Variants in USH2A observed in about 807,000 individuals in gnomAD.
USH2A encodes the protein Usher syndrome 2A (autosomal recessive, mild).
Under a neutral mutation model 538.9 loss-of-function variants are expected in USH2A, and 443 were observed. That is an observed-to-expected ratio of 0.82 (90% confidence interval 0.76 to 0.89). USH2A has a LOEUF of 0.89. USH2A is among the 40% of genes least tolerant of loss of function. The probability of loss-of-function intolerance (pLI) is 0.00; values close to 1 mark genes in which losing one functional copy is unlikely to be tolerated. For missense variants in USH2A, 6,633 were observed against 6,324.8 expected, an observed-to-expected ratio of 1.05 and a Z score of -1.65; for synonymous variants, 2,413 against 2,273.5, an observed-to-expected ratio of 1.06 and a Z score of -1.75.
At position 215,743,325 on chromosome 1, in the gene USH2A, G is replaced by A; in HGVS notation, c.11400C>T (p.Ile3800=). The A allele has an allele frequency of 2.5e-6, 4 of 1,599,416 alleles. No individual in the cohort carries two copies. Among genetic ancestry groups the A allele is most frequent in the Non-Finnish European group, 3.4e-6 (4 of 1,173,388 alleles). The part of the protein sequence containing the change: ...FVAWIPPGIL[I]PEIPVEYNVL... ...CATTGTACTCCACAGGAATTTCGGG[G>A]ATGAGGATCCCTTTAAAGAGAGAGA... The change falls in exon 59 of 72, where the codon ATC becomes ATT. Residue 3800 remains isoleucine, a synonymous_variant. Transcript: ENST00000307340.
chr1:215,877,048 C>T (rs1000474983), intron 43 of USH2A, among the ~76,000 whole-genome samples: 4 of 152,120 alleles, frequency 2.6e-5, no homozygotes, highest in African/African-American at 9.7e-5. Context: ...AATCACATTG[C>T]TTGAACTCAT....
Position 216,327,647 on chromosome 1 carries a change from C to T in USH2A, c.792G>A (p.Glu264=), listed in dbSNP as rs886043440. 12 of 1,612,974 alleles carry T rather than the reference C, an allele frequency of 7.4e-6. No homozygotes were observed. Among genetic ancestry groups the T allele is most frequent in the Non-Finnish European group, 9.3e-6 (11 of 1,179,442 alleles). ...VQIGQSLNGL[E]QFVGRMQDFR... is the part of the protein sequence containing the mutation. ...AATCTTGCATTCTTCCGACAAACTGCTCTAAACCTGCAAATACACACATGT... is the reference window on the plus strand; with the variant it reads ...AATCTTGCATTCTTCCGACAAACTGTTCTAAACCTGCAAATACACACATGT... Residue 264 remains glutamate, a synonymous_variant, in exon 5 of 72, where the codon GAG becomes GAA. Coordinates refer to ENST00000307340, the MANE Select transcript of USH2A (RefSeq NM_206933.4).
intron 21 of USH2A, among the ~76,000 whole-genome samples, chr1:216,101,247 A>G (rs985597097): frequency 1.3e-5 from 2 of 152,256 alleles, no homozygotes; most frequent in Non-Finnish European, 2.9e-5. Flanking sequence ...TAAATAAAAA[A>G]GAATACATTT....
At chr1:216,196,154 T>C (rs1256949115) in intron 19 of USH2A, among the ~76,000 whole-genome samples, 1 of 152,104 alleles carries the variant, frequency 6.6e-6, no homozygotes, top group African/African-American at 2.4e-5. Flanking sequence ...ATATAAGAAG[T>C]TTTATCAATG....
At chr1:216,367,475 C>T (rs574158209) in intron 3 of USH2A, among the ~76,000 whole-genome samples, 18 of 152,196 alleles carry the variant, frequency 1.2e-4, no homozygotes, top group Non-Finnish European at 2.2e-4. Context: ...AGATAGAAAG[C>T]ATGTTTTTGA....
Position 215,838,450 on chromosome 1 carries a change from G to T in USH2A, c.9259-347C>A, listed in dbSNP as rs1934429. On this transcript the variant is annotated intron_variant, in intron 46 of 71. Transcript: ENST00000307340. ...TTTGCAAGCATAACAGGTTATCACTGCTCACTGTTCTCTAAATCTATAACT... is the reference window on the plus strand; with the variant it reads ...TTTGCAAGCATAACAGGTTATCACTTCTCACTGTTCTCTAAATCTATAACT... Among the ~76,000 whole-genome samples, 59,608 of 152,002 alleles carry T rather than the reference G, an allele frequency of 0.39. 12,105 individuals carry two copies. The highest frequency in any genetic ancestry group is 0.52 in the Admixed American group (7,987 of 15,276).
intron 32 of USH2A, among the ~76,000 whole-genome samples, chr1:216,021,203 G>T (rs1668836950): frequency 1.3e-5 from 2 of 152,088 alleles, no homozygotes; most frequent in South Asian, 2.1e-4. Context: ...GCCCTGATGT[G>T]GTTTGGCTGT....
intron 9 of USH2A, among the ~76,000 whole-genome samples, chr1:216,314,044 A>G (rs1456611767): frequency 6.6e-6 from 1 of 152,110 alleles, no homozygotes; most frequent in Non-Finnish European, 1.5e-5. Context: ...GTATGCATTT[A>G]CTTTTCTTAG....
At chr1:215,760,626 T>C (rs982385935) in intron 56 of USH2A, among the ~76,000 whole-genome samples, 3 of 152,328 alleles carry the variant, frequency 2.0e-5, no homozygotes, top group Non-Finnish European at 1.5e-5. Context: ...TTGTTTTTCC[T>C]GTCTACAATC....
At chr1:215,926,057 A>G (rs1666229781) in intron 38 of USH2A, among the ~76,000 whole-genome samples, 1 of 152,096 alleles carries the variant, frequency 6.6e-6, no homozygotes, top group Non-Finnish European at 1.5e-5. Flanking sequence ...GTATAGAAAT[A>G]TTTTACAATT....
Position 216,073,256 on chromosome 1 carries a change from C to A in USH2A, c.5617G>T (p.Val1873Phe). Residue 1873 changes from valine to phenylalanine, a missense_variant, in exon 28 of 72, where the codon GTC (valine) becomes TTC (phenylalanine). Transcript: ENST00000307340. ...MKDVKFTRGA[V>F]VNLASVSSGA... ...CTGGACACAGATGCCAAGTTAACGA[C>A]AGCACCCCGTGTAAATTTAACATCC... 1 of 1,613,838 alleles carries A rather than the reference C, an allele frequency of 6.2e-7. No homozygotes were observed. The highest frequency in any genetic ancestry group is 1.1e-5 in the South Asian group (1 of 91,072).
intron 43 of USH2A, among the ~76,000 whole-genome samples, chr1:215,869,446 C>G (rs1664567990): frequency 6.6e-6 from 1 of 152,156 alleles, no homozygotes; most frequent in African/African-American, 2.4e-5. Context: ...CACATTCAAA[C>G]AGTCTGGCCA....
chr1:216,288,700 G>A (rs551762480), intron 11 of USH2A, among the ~76,000 whole-genome samples: 11 of 152,076 alleles, frequency 7.2e-5, no homozygotes, highest in Non-Finnish European at 1.3e-4. Flanking sequence ...TCAATAAGAA[G>A]CCTGTTTTCC....
intron 38 of USH2A, among the ~76,000 whole-genome samples, chr1:215,915,026 G>A (rs1438343938): frequency 6.6e-6 from 1 of 152,236 alleles, no homozygotes; most frequent in African/African-American, 2.4e-5. Context: ...GGCAGTTATT[G>A]TACACCAGGC....
chr1:216,375,714 T>C (rs1588655), intron 3 of USH2A, among the ~76,000 whole-genome samples: 116,714 of 152,036 alleles, frequency 0.77, 45,228 homozygotes, highest in African/African-American at 0.87. Context: ...GGCTGTTTGG[T>C]GCAAGAGGAC....
chr1:216,093,374 G>A (rs901844641), intron 22 of USH2A, among the ~76,000 whole-genome samples: 4 of 152,200 alleles, frequency 2.6e-5, no homozygotes, highest in Non-Finnish European at 4.4e-5. Flanking sequence ...TAGCAGTGAC[G>A]AGTACTCTAA....
chr1:215,905,190 T>C (rs1322162185), intron 38 of USH2A, among the ~76,000 whole-genome samples: 1 of 152,092 alleles, frequency 6.6e-6, no homozygotes, highest in African/African-American at 2.4e-5. Flanking sequence ...CTACCAAGTC[T>C]GTGGGGACAA....
chr1:215,733,395 G>A (rs1429065841), intron 60 of USH2A, among the ~76,000 whole-genome samples: 1 of 152,118 alleles, frequency 6.6e-6, no homozygotes, highest in Non-Finnish European at 1.5e-5. Context: ...GAGATTTAGA[G>A]AGGACAAACA....
chr1:216,135,392 A>T (rs1284364052), intron 21 of USH2A, among the ~76,000 whole-genome samples: 1 of 151,954 alleles, frequency 6.6e-6, no homozygotes, highest in African/African-American at 2.4e-5. Flanking sequence ...GGTGGTCAAG[A>T]AGTTGTAGTC....
Sources: allele counts gnomAD v4.1 joint callset (sites outside exome capture counted in the v4.1 genomes callset), GRCh38; gene constraint gnomAD v4.1.1; transcripts MANE v1.5; gene names NCBI Gene and HGNC (gene_info 2026-07-23, HGNC 2026-07-21).